ABTB3: variants seen among roughly 807,000 people sequenced by gnomAD.
ABTB3 encodes the protein ankyrin repeat and BTB domain containing 3, also known as ankyrin repeat- and BTB/POZ domain-containing protein 3.
At chr12:107,381,662 T>C in the ABTB3 span, among the ~76,000 whole-genome samples, 1 of 152,086 alleles carries the variant, frequency 6.6e-6, no homozygotes, top group East Asian at 1.9e-4. Context: ...TCTTCAGGAG[T>C]TGGGGCTGTA....
At chr12:107,509,270 A>G in the ABTB3 span, among the ~76,000 whole-genome samples, 2 of 152,230 alleles carry the variant, frequency 1.3e-5, no homozygotes, top group African/African-American at 4.8e-5. Flanking sequence ...TTTGGATTAC[A>G]TGGAAAGGGA....
chr12:107,649,305 T>G, the ABTB3 span: 2 of 1,592,960 alleles, frequency 1.3e-6, no homozygotes, highest in Non-Finnish European at 1.7e-6. Context: ...TTGGCTATCA[T>G]AGGTCCCTTG....
chr12:107,426,274 C>CGGACAAGGAGGGGAGGG, the ABTB3 span, among the ~76,000 whole-genome samples: 2 of 152,158 alleles, frequency 1.3e-5, no homozygotes, highest in Admixed American at 1.3e-4. Context: ...TAGATCGATG[C>CGGACAAGGAGGGGAGGG]GGACAAGGAG....
the ABTB3 span, among the ~76,000 whole-genome samples, chr12:107,532,835 AC>A: frequency 6.6e-6 from 1 of 152,152 alleles, no homozygotes; most frequent in African/African-American, 2.4e-5. Flanking sequence ...CTCAGCAGAA[AC>A]CTTATAGGCC....
the ABTB3 span, among the ~76,000 whole-genome samples, chr12:107,621,180 C>T: frequency 2.6e-5 from 4 of 152,272 alleles, no homozygotes; most frequent in Middle Eastern, 3.4e-3. Flanking sequence ...TAGGTGTTCT[C>T]ATTAGCGCCC....
At chr12:107,431,169 G>A in the ABTB3 span, among the ~76,000 whole-genome samples, 1 of 152,296 alleles carries the variant, frequency 6.6e-6, no homozygotes, top group South Asian at 2.1e-4. Flanking sequence ...GCTGAGAAAA[G>A]GTCTCATTCA....
chr12:107,466,582 A>T, the ABTB3 span, among the ~76,000 whole-genome samples: 2 of 151,668 alleles, frequency 1.3e-5, no homozygotes, highest in Admixed American at 1.3e-4. Flanking sequence ...GAGGAAGAGG[A>T]GCCTGCAGGG....
At chr12:107,630,941 G>GTTTTGT in the ABTB3 span, among the ~76,000 whole-genome samples, 3 of 152,078 alleles carry the variant, frequency 2.0e-5, no homozygotes, top group East Asian at 1.9e-4. Flanking sequence ...GTTCCTTAGG[G>GTTTTGT]TTTTGTTTTT....
the ABTB3 span, among the ~76,000 whole-genome samples, chr12:107,346,349 C>A: frequency 6.6e-6 from 1 of 152,168 alleles, no homozygotes; most frequent in African/African-American, 2.4e-5. Context: ...GGAGAAGCAT[C>A]CAGGGCCAGG....
the ABTB3 span, among the ~76,000 whole-genome samples, chr12:107,414,722 C>CTT: frequency 2.1e-5 from 3 of 139,936 alleles, no homozygotes; most frequent in Admixed American, 7.1e-5. Flanking sequence ...TTTTCTTTTT[C>CTT]TTTTTTTTTT....
the ABTB3 span, among the ~76,000 whole-genome samples, chr12:107,557,606 T>C: frequency 6.6e-6 from 1 of 152,194 alleles, no homozygotes; most frequent in South Asian, 2.1e-4. Context: ...TCCATAAGCA[T>C]GCATTAAGTG....
the ABTB3 span, among the ~76,000 whole-genome samples, chr12:107,474,188 C>A: frequency 6.6e-6 from 1 of 152,116 alleles, no homozygotes; most frequent in Non-Finnish European, 1.5e-5. Flanking sequence ...TATCTGGGAG[C>A]GGAATGGCTG....
the ABTB3 span, among the ~76,000 whole-genome samples, chr12:107,447,697 A>T: frequency 6.6e-6 from 1 of 152,206 alleles, no homozygotes; most frequent in Admixed American, 6.5e-5. Context: ...AAAACCTACG[A>T]CAGAGCTCAC....
At chr12:107,421,848 G>A in the ABTB3 span, among the ~76,000 whole-genome samples, 9 of 152,074 alleles carry the variant, frequency 5.9e-5, no homozygotes, top group Non-Finnish European at 1.0e-4. Flanking sequence ...GCCCAAGGCC[G>A]GTAATTACAT....
chr12:107,562,420 T>C, the ABTB3 span, among the ~76,000 whole-genome samples: 2 of 152,200 alleles, frequency 1.3e-5, no homozygotes, highest in African/African-American at 4.8e-5. Flanking sequence ...CATATGGATA[T>C]CTGAGGAAAG....
At chr12:107,571,839 C>T in the ABTB3 span, among the ~76,000 whole-genome samples, 3 of 152,196 alleles carry the variant, frequency 2.0e-5, no homozygotes, top group African/African-American at 7.2e-5. Flanking sequence ...CTGGCTGGTC[C>T]CCACATGGTA....
At chr12:107,510,063 C>T in the ABTB3 span, among the ~76,000 whole-genome samples, 3 of 152,154 alleles carry the variant, frequency 2.0e-5, no homozygotes. Flanking sequence ...CTCAGAGAAG[C>T]CAAGTCAAGA....
At chr12:107,656,997 C>T in the ABTB3 span, among the ~76,000 whole-genome samples, 1 of 152,142 alleles carries the variant, frequency 6.6e-6, no homozygotes, top group South Asian at 2.1e-4. Context: ...GAGCCGAGAT[C>T]ATGCCGCTGC....
the ABTB3 span, among the ~76,000 whole-genome samples, chr12:107,555,829 T>C: frequency 6.6e-6 from 1 of 152,076 alleles, no homozygotes; most frequent in African/African-American, 2.4e-5. Flanking sequence ...TCAATGCAGG[T>C]AGTATCCCCC....
Sources: gnomAD v4.1 joint callset for allele counts (sites outside exome capture counted in the v4.1 genomes callset) on GRCh38, gnomAD v4.1.1 for gene constraint, MANE v1.5 for transcripts, NCBI Gene and HGNC (gene_info 2026-07-23, HGNC 2026-07-21) for gene names.